MAP4K5: variants seen among roughly 807,000 people sequenced by gnomAD.
MAP4K5 encodes mitogen-activated protein kinase kinase kinase kinase 5.
In MAP4K5, 82 loss-of-function variants were observed where a neutral mutation model predicts 135.6. That is an observed-to-expected ratio of 0.60 (90% CI 0.51 to 0.73). The LOEUF is 0.73. Among genes scored for constraint, MAP4K5 ranks in the 30% least tolerant of loss-of-function variants. The probability of loss-of-function intolerance (pLI) is 0.00; values close to 1 mark genes in which losing one functional copy is unlikely to be tolerated. For missense variants in MAP4K5, 907 were observed against 1,010.9 expected, an observed-to-expected ratio of 0.90 and a Z score of 1.39; for synonymous variants, 347 against 335.0, an observed-to-expected ratio of 1.04 and a Z score of -0.39.
At chr14:50,435,175 G>T (rs1469487502) in intron 26 of MAP4K5, 110 bp from the exon 27 acceptor site, 3 of 511,802 alleles carry the variant, frequency 5.9e-6, no homozygotes, top group Non-Finnish European at 1.0e-5. Flanking sequence ...AAAAAAGACT[G>T]TGTCTTTTCT....
At chr14:50,436,842 C>A (rs1309390519) in intron 26 of MAP4K5, among the ~76,000 whole-genome samples, 2 of 152,142 alleles carry the variant, frequency 1.3e-5, no homozygotes, top group African/African-American at 2.4e-5. Context: ...CTGGACTCTG[C>A]CCTATGTACT....
chr14:50,466,699 T>C, intron 10 of MAP4K5, 54 bp from the exon 11 acceptor site: 1 of 775,810 alleles, frequency 1.3e-6, no homozygotes, highest in South Asian at 1.5e-5. Flanking sequence ...CATCTAACAA[T>C]TAGAAAGAAT....
chr14:50,434,027 C>T (rs1031650869), intron 28 of MAP4K5, among the ~76,000 whole-genome samples: 2 of 152,006 alleles, frequency 1.3e-5, no homozygotes, highest in African/African-American at 2.4e-5. Context: ...AAGAAGTGAG[C>T]GGGGAAGACA....
intron 6 of MAP4K5, among the ~76,000 whole-genome samples, chr14:50,481,802 T>C (rs1475981050): frequency 6.6e-6 from 1 of 152,224 alleles, no homozygotes; most frequent in Non-Finnish European, 1.5e-5. Context: ...AATGCAATGT[T>C]AACCAAACTT....
intron 6 of MAP4K5, among the ~76,000 whole-genome samples, chr14:50,476,900 C>T (rs2037114205): frequency 6.6e-6 from 1 of 152,200 alleles, no homozygotes; most frequent in Non-Finnish European, 1.5e-5. Context: ...CCCCACAACC[C>T]TCACAAACAC....
At chr14:50,426,158 T>G (rs1352331255) in intron 30 of MAP4K5, among the ~76,000 whole-genome samples, 181 bp from the exon 31 acceptor site, 3 of 152,188 alleles carry the variant, frequency 2.0e-5, no homozygotes, top group South Asian at 2.1e-4. Flanking sequence ...AGTAATTTAC[T>G]GAGGTAGGGT....
intron 6 of MAP4K5, among the ~76,000 whole-genome samples, chr14:50,479,689 C>T (rs975291630): frequency 5.9e-5 from 9 of 152,098 alleles, no homozygotes; most frequent in African/African-American, 1.9e-4. Context: ...TGATTTTCAT[C>T]TTATTTTGCT....
chr14:50,463,428 A>G (rs368040616), intron 12 of MAP4K5, among the ~76,000 whole-genome samples: 2 of 152,256 alleles, frequency 1.3e-5, no homozygotes, highest in African/African-American at 2.4e-5. Flanking sequence ...AATCTAGTGC[A>G]CTGCCTGCCT....
chr14:50,435,851 TATA>T (rs1417814182), intron 26 of MAP4K5, among the ~76,000 whole-genome samples: 3 of 152,196 alleles, frequency 2.0e-5, no homozygotes, highest in Admixed American at 6.5e-5. Context: ...CATTAATAAT[TATA>T]ATCATTGATT....
chr14:50,428,078 T>C (rs905487279), intron 30 of MAP4K5, among the ~76,000 whole-genome samples: 7 of 152,102 alleles, frequency 4.6e-5, no homozygotes, highest in Non-Finnish European at 8.8e-5. Flanking sequence ...CAGGAAACAA[T>C]AAAAGATTTA....
intron 2 of MAP4K5, among the ~76,000 whole-genome samples, chr14:50,511,590 T>C (rs1414693729): frequency 6.6e-6 from 1 of 152,136 alleles, no homozygotes; most frequent in Non-Finnish European, 1.5e-5. Context: ...GAAAGGATAA[T>C]GTTTAAGATT....
chr14:50,492,644 A>G (rs1481469491), intron 3 of MAP4K5, among the ~76,000 whole-genome samples: 1 of 152,202 alleles, frequency 6.6e-6, no homozygotes, highest in Non-Finnish European at 1.5e-5. Flanking sequence ...ACAAAGTGAA[A>G]AAGCAACCTA....
rs2038405605 is a variant in MAP4K5 at position 50,532,051 on chromosome 14, T to C, written c.-2A>G. On this transcript the variant is annotated 5_prime_UTR_variant, in exon 2 of 33. Transcript: ENST00000682126. ...GGCAGGCCGCAGCGGGGCCTCCATC[T>C]TCACTTAGGGCCCGGCCCCCGCCAG... 1.3e-6 allele frequency: 2 copies of C among 1,549,884 alleles called. No homozygotes were observed. Among genetic ancestry groups the C allele is most frequent in the Admixed American group, 3.7e-5 (2 of 53,814 alleles).
chr14:50,423,286 C>G, intron 31 of MAP4K5, 110 bp from the exon 32 acceptor site: 1 of 515,208 alleles, frequency 1.9e-6, no homozygotes, highest in South Asian at 4.0e-5. Context: ...TTTTGGTAGA[C>G]TTAATTCCTC....
At chr14:50,453,918 T>G (rs2036544927) in intron 14 of MAP4K5, among the ~76,000 whole-genome samples, 1 of 152,270 alleles carries the variant, frequency 6.6e-6, no homozygotes, top group African/African-American at 2.4e-5. Context: ...CATTTGCCCC[T>G]GGTGGTCTTA....
chr14:50,464,539 C>T (rs2036787958), intron 11 of MAP4K5, among the ~76,000 whole-genome samples: 1 of 152,008 alleles, frequency 6.6e-6, no homozygotes, highest in Admixed American at 6.6e-5. Context: ...CTATTTAAAT[C>T]CCAAAGAGGC....
At chr14:50,426,187 T>C (rs1392083271) in intron 30 of MAP4K5, among the ~76,000 whole-genome samples, 1 of 152,186 alleles carries the variant, frequency 6.6e-6, no homozygotes, top group African/African-American at 2.4e-5. Context: ...TCTTCAAAGA[T>C]ACATATAAAA....
At chr14:50,450,310 T>C (rs750871156) in intron 14 of MAP4K5, 1 of 152,170 alleles carries the variant, frequency 6.6e-6, no homozygotes, top group Non-Finnish European at 1.5e-5. Flanking sequence ...TGTAAACATA[T>C]ATATGTCTGC....
chr14:50,475,032 T>G, intron 9 of MAP4K5, 45 bp downstream of exon 9: 1 of 1,492,292 alleles, frequency 6.7e-7, no homozygotes, highest in South Asian at 1.1e-5. Context: ...CACAAAACCA[T>G]GAAGAAATGA....
Sources: allele counts gnomAD v4.1 joint callset (sites outside exome capture counted in the v4.1 genomes callset), GRCh38; gene constraint gnomAD v4.1.1; transcripts MANE v1.5; gene names NCBI Gene and HGNC (gene_info 2026-07-23, HGNC 2026-07-21).